PRUNE2: variants seen among roughly 807,000 people sequenced by gnomAD.
The protein encoded by PRUNE2 is protein prune homolog 2.
A neutral mutation model predicts 252.0 loss-of-function variants in PRUNE2; 164 were observed. That is an observed-to-expected ratio of 0.65 (90% CI 0.57 to 0.74). The LOEUF (loss-of-function observed/expected upper bound fraction) is 0.74. PRUNE2 is among the 30% of genes least tolerant of loss of function. The probability of loss-of-function intolerance (pLI) is 0.00; values close to 1 mark genes in which losing one functional copy is unlikely to be tolerated. For synonymous variants in PRUNE2, 1,292 were observed against 1,350.2 expected (o/e 0.96, Z 0.94); for missense variants, 3,495 against 3,711.0 (o/e 0.94, Z 1.51).
At chr9:76,901,708 T>C (rs2063184452) in intron 1 of PRUNE2, among the ~76,000 whole-genome samples, 1 of 152,210 alleles carries the variant, frequency 6.6e-6, no homozygotes, top group African/African-American at 2.4e-5. Context: ...CTATGGCACA[T>C]ATCACAGAGT....
At chr9:76,627,021 C>T (rs2132225322) in intron 16 of PRUNE2, among the ~76,000 whole-genome samples, 1 of 152,216 alleles carries the variant, frequency 6.6e-6, no homozygotes, top group East Asian at 1.9e-4. Context: ...GGAAAGTGGT[C>T]AATGCTCAAT....
intron 12 of PRUNE2, among the ~76,000 whole-genome samples, chr9:76,641,381 G>GT (rs561164120): frequency 9.5e-4 from 145 of 152,268 alleles, no homozygotes; most frequent in African/African-American, 3.4e-3. Flanking sequence ...AGCCAGTGCC[G>GT]TTGGCAGGCT....
At chr9:76,673,198 A>C (rs2041862597) in intron 9 of PRUNE2, among the ~76,000 whole-genome samples, 1 of 152,042 alleles carries the variant, frequency 6.6e-6, no homozygotes, top group Admixed American at 6.5e-5. Flanking sequence ...TCAAATAGAC[A>C]CAATAAAAAA....
rs527890184 is a variant in PRUNE2 at position 76,678,769 on chromosome 9, G to A, written c.8277-23267C>T. Reference sequence around the variant, plus strand: ...TGTGAACCTCGGAGGCGGAGCTTGCGGTGAGCCGAGATGGTGCCACTGCAC... The same window carrying A: ...TGTGAACCTCGGAGGCGGAGCTTGCAGTGAGCCGAGATGGTGCCACTGCAC... On this transcript the variant is annotated intron_variant, in intron 9 of 18. Coordinates refer to ENST00000376718, the MANE Select transcript of PRUNE2 (RefSeq NM_015225.3). Among the ~76,000 whole-genome samples, 6 of 151,480 alleles carry A rather than the reference G, an allele frequency of 4.0e-5. No homozygotes were observed. In the South Asian group the frequency reaches 1.3e-3, roughly 32 times the overall value.
intron 9 of PRUNE2, among the ~76,000 whole-genome samples, chr9:76,667,558 G>GT (rs34408873): frequency 3.1e-3 from 7 of 2,258 alleles, no homozygotes; most frequent in African/African-American, 2.5e-3. Context: ...GCAATGCAAA[G>GT]CTGCACTCTT....
intron 6 of PRUNE2, among the ~76,000 whole-genome samples, chr9:76,721,393 A>G (rs1010772008): frequency 6.6e-6 from 1 of 152,176 alleles, no homozygotes; most frequent in African/African-American, 2.4e-5. Flanking sequence ...GACTATACCT[A>G]TTATAGTGTT....
Position 76,614,572 on chromosome 9 carries a change from A to G in PRUNE2, c.9265T>C (p.Ter3089GlnextTer43), listed in dbSNP as rs2131785379. ...TCCTCTTCTTCCAGCATGGCCAACT[A>G]AGGCTTTTCTTTCAGCTTCAAGTCA... ...DIDLKLKEKP[*>Q] is the part of the protein sequence containing the mutation. The change falls in exon 19 of 19, where the codon TAG becomes CAG. Residue 3089 changes from the stop codon to glutamine (Q), a stop_lost. Coordinates refer to ENST00000376718, the MANE Select transcript of PRUNE2 (RefSeq NM_015225.3). 6.2e-7 allele frequency: 1 copy of G among 1,612,392 alleles called. No individual in the cohort carries two copies. The highest frequency in any genetic ancestry group is 8.5e-7 in the Non-Finnish European group (1 of 1,178,756).
chr9:76,636,973 A>AGTGTGTG (rs1564400434), intron 14 of PRUNE2, among the ~76,000 whole-genome samples: 5 of 145,406 alleles, frequency 3.4e-5, no homozygotes, highest in African/African-American at 8.0e-5. Flanking sequence ...AACAACAAAA[A>AGTGTGTG]TGTGTGTGTG....
intron 6 of PRUNE2, chr9:76,786,717 T>A (rs2055025458): frequency 6.6e-6 from 1 of 152,248 alleles, no homozygotes. Flanking sequence ...TTCCAATAGA[T>A]GCTGCCTATG....
chr9:76,852,451 C>A (rs568880996), intron 2 of PRUNE2, among the ~76,000 whole-genome samples: 4 of 152,360 alleles, frequency 2.6e-5, no homozygotes, highest in Non-Finnish European at 4.4e-5. Context: ...TACCACGTAA[C>A]TTTGAGAAAG....
At chr9:76,885,654 C>T (rs1589768139) in intron 1 of PRUNE2, among the ~76,000 whole-genome samples, 1 of 152,120 alleles carries the variant, frequency 6.6e-6, no homozygotes, top group African/African-American at 2.4e-5. Context: ...TGTCAAAGGG[C>T]AGCAAAGTAC....
chr9:76,649,083 A>T (rs1346584892), intron 11 of PRUNE2, among the ~76,000 whole-genome samples: 2 of 152,138 alleles, frequency 1.3e-5, no homozygotes. Context: ...GTACAGGAAA[A>T]CTCTGTACTC....
chr9:76,709,522 A>C lies in PRUNE2; in HGVS notation c.2752T>G (p.Ser918Ala), dbSNP rs760677530. 6.2e-7 allele frequency: 1 copy of C among 1,613,988 alleles called. No individual in the cohort carries two copies. Among genetic ancestry groups the C allele is most frequent in the East Asian group, 2.2e-5 (1 of 44,884 alleles). Reference protein sequence around the residue: ...TRGKVYEKVDSWNLFEENMKK... With the variant: ...TRGKVYEKVDAWNLFEENMKK... Reference sequence around the variant, plus strand: ...ATATTCTCCTCAAAAAGGTTCCAGGAATCTACCTTTTCATATACCTTGCCC... The same window carrying C: ...ATATTCTCCTCAAAAAGGTTCCAGGCATCTACCTTTTCATATACCTTGCCC... Residue 918 changes from serine to alanine, a missense_variant, in exon 8 of 19, where the codon TCC (serine) becomes GCC (alanine). Transcript: ENST00000376718.
chr9:76,857,193 C>T (rs1375367157), intron 1 of PRUNE2: 1 of 453,064 alleles, frequency 2.2e-6, no homozygotes, highest in African/African-American at 2.0e-5. Context: ...AGTTTCCAGG[C>T]TTCAGCACTC....
At chr9:76,781,619 C>T (rs1333790015) in intron 6 of PRUNE2, among the ~76,000 whole-genome samples, 1 of 152,216 alleles carries the variant, frequency 6.6e-6, no homozygotes, top group African/African-American at 2.4e-5. Flanking sequence ...TCATTTTCTT[C>T]ATAGCACTTA....
At chr9:76,656,076 G>A (rs1207415400) in intron 9 of PRUNE2, among the ~76,000 whole-genome samples, 1 of 152,156 alleles carries the variant, frequency 6.6e-6, no homozygotes, top group Non-Finnish European at 1.5e-5. Context: ...TATTTAAAGA[G>A]TCACTGTGAA....
At chr9:76,854,319 G>A (rs1264255546) in intron 1 of PRUNE2, 111 bp from the exon 2 acceptor site, 1 of 486,826 alleles carries the variant, frequency 2.1e-6, no homozygotes, top group African/African-American at 2.0e-5. Flanking sequence ...CACAATGGCA[G>A]AGAATCATAA....
intron 16 of PRUNE2, among the ~76,000 whole-genome samples, chr9:76,626,616 C>T (rs888668374): frequency 1.3e-5 from 2 of 152,200 alleles, no homozygotes; most frequent in African/African-American, 4.8e-5. Flanking sequence ...CCCTTGAAAA[C>T]TGATGTGTGC....
At chr9:76,887,721 G>C (rs1034672326) in intron 1 of PRUNE2, among the ~76,000 whole-genome samples, 1 of 152,214 alleles carries the variant, frequency 6.6e-6, no homozygotes, top group African/African-American at 2.4e-5. Flanking sequence ...GCATATCCCA[G>C]ACAGCTGTTG....
Sources: allele counts gnomAD v4.1 joint callset (sites outside exome capture counted in the v4.1 genomes callset), GRCh38; gene constraint gnomAD v4.1.1; transcripts MANE v1.5; gene names NCBI Gene and HGNC (gene_info 2026-07-23, HGNC 2026-07-21).